SAP30BP: variants seen among roughly 807,000 people sequenced by gnomAD.
SAP30BP encodes the protein SAP30 binding protein.
In SAP30BP, 31 loss-of-function variants were observed where a neutral mutation model predicts 46.3. The observed-to-expected ratio is 0.67, with a 90% confidence interval of 0.50 to 0.90. The LOEUF (loss-of-function observed/expected upper bound fraction) is 0.90. Ranked by LOEUF, SAP30BP falls within the 40% of genes least tolerant of loss-of-function variation. The pLI is 0.00. For missense variants in SAP30BP, 312 were observed against 391.0 expected (o/e 0.80, Z 1.70); for synonymous variants, 169 against 144.2 (o/e 1.17, Z -1.23).
intron 6 of SAP30BP, 58 bp from the exon 7 acceptor site, chr17:75,703,253 C>A: frequency 6.5e-7 from 1 of 1,535,816 alleles, no homozygotes; most frequent in Non-Finnish European, 9.0e-7. Context: ...CTGGATGGTT[C>A]AGGTCCCATG....
chr17:75,692,173 C>G (rs2060251355), intron 3 of SAP30BP: 1 of 961,890 alleles, frequency 1.0e-6, no homozygotes, highest in African/African-American at 1.8e-5. Flanking sequence ...GGAATTTGGC[C>G]TGTCCCAGCA....
Position 75,693,483 on chromosome 17 carries a change from G to T in SAP30BP, c.307+1G>T. On this transcript the variant is annotated splice_donor_variant, in intron 4 of 10. Coordinates refer to ENST00000584667, the MANE Select transcript of SAP30BP (RefSeq NM_013260.8). LOFTEE classifies it high-confidence loss of function. The stretch of plus-strand genomic sequence containing the variant: ...AAGCGAGACCCCCAGGAACTCGTGG[G>T]TGAGTATTGGGGGATCCTGGGGGCA... The T allele has an allele frequency of 1.2e-6, 2 of 1,613,902 alleles. No individual in the cohort carries two copies. Among genetic ancestry groups the T allele is most frequent in the Non-Finnish European group, 1.7e-6 (2 of 1,179,820 alleles).
intron 3 of SAP30BP, among the ~76,000 whole-genome samples, chr17:75,673,774 A>G (rs2059941991): frequency 1.3e-5 from 2 of 152,254 alleles, no homozygotes; most frequent in African/African-American, 4.8e-5. Flanking sequence ...GGGACCCAAA[A>G]AAGGTGAAGC....
chr17:75,671,994 A>G (rs1028551237), intron 3 of SAP30BP, 131 bp downstream of exon 3: 8 of 787,518 alleles, frequency 1.0e-5, no homozygotes, highest in Non-Finnish European at 1.6e-5. Context: ...TTTCTGGGAT[A>G]AAATAAGCTT....
At chr17:75,685,715 A>G (rs1026202113) in intron 3 of SAP30BP, among the ~76,000 whole-genome samples, 1 of 152,014 alleles carries the variant, frequency 6.6e-6, no homozygotes, top group Admixed American at 6.6e-5. Context: ...CAACCCCCCA[A>G]ATATATCAAC....
chr17:75,684,387 G>C (rs1414376918), intron 3 of SAP30BP: 1 of 152,212 alleles, frequency 6.6e-6, no homozygotes, highest in African/African-American at 2.4e-5. Context: ...TAGTCCACCT[G>C]CCCCTGTGTT....
chr17:75,701,507 G>A (rs757880465), intron 5 of SAP30BP, among the ~76,000 whole-genome samples: 28 of 152,200 alleles, frequency 1.8e-4, no homozygotes, highest in Non-Finnish European at 3.2e-4. Context: ...CCCCGAGGTG[G>A]TTCTCCACTC....
At position 75,691,472 on chromosome 17, in the gene SAP30BP, C is replaced by T. The variant is rs868833229; in HGVS notation, c.265-1968C>T. ...CTTTCCATCTCCAGGTTCACAAAAG[C>T]CACAAGAAGCCACGGGGAGGCTCCT... is the stretch of plus-strand genomic sequence containing the variant. On this transcript the variant is annotated intron_variant, in intron 3 of 10. Coordinates refer to ENST00000584667, the MANE Select transcript of SAP30BP (RefSeq NM_013260.8). The T allele has an allele frequency of 8.8e-6, 4 of 456,708 alleles. No homozygotes were observed. In the Middle Eastern group the frequency reaches 1.3e-3, roughly 148 times the overall value. The allele number at this position is 456,708 out of a possible 1,614,324, so 28.3% of individuals were successfully genotyped here. A position where few individuals can be genotyped will look rare whatever the true frequency, so the allele number is the denominator to read the frequency against.
chr17:75,699,766 CCTT>C lies in SAP30BP; in HGVS notation c.308-11_308-9del, dbSNP rs770429694. 1.2e-5 allele frequency: 19 copies of C among 1,598,636 alleles called. No homozygotes were observed. Among genetic ancestry groups the C allele is most frequent in the East Asian group, 2.2e-5 (1 of 44,706 alleles). On this transcript the variant is annotated splice_polypyrimidine_tract_variant and intron_variant, in intron 4 of 10. Coordinates refer to ENST00000584667, the MANE Select transcript of SAP30BP (RefSeq NM_013260.8). ...TCTAATCCCCACCTACAGAATTTTT[CCTT>C]CTTCTCTCAACAGCCTCCTTTTCTG...
chr17:75,670,511 C>A (rs1047075201), intron 2 of SAP30BP, among the ~76,000 whole-genome samples: 2 of 114,300 alleles, frequency 1.7e-5, no homozygotes, highest in African/African-American at 5.0e-5. Context: ...GCTTAATATT[C>A]ATAACTCTTT....
chr17:75,688,965 G>A (rs557905116), intron 3 of SAP30BP, among the ~76,000 whole-genome samples: 7 of 152,180 alleles, frequency 4.6e-5, no homozygotes, highest in Admixed American at 2.6e-4. Flanking sequence ...TGCCGCAGCC[G>A]CCTCCTGCTC....
At chr17:75,693,566 C>A in intron 4 of SAP30BP, 84 bp downstream of exon 4, 1 of 1,290,754 alleles carries the variant, frequency 7.7e-7, no homozygotes, top group Non-Finnish European at 1.1e-6. Flanking sequence ...CCTGCCGCCC[C>A]ACAGGGCTTC....
chr17:75,671,394 A>G (rs988410255), intron 2 of SAP30BP, among the ~76,000 whole-genome samples: 2 of 152,224 alleles, frequency 1.3e-5, no homozygotes, highest in Non-Finnish European at 2.9e-5. Context: ...GTACATGTGT[A>G]TATGAAAAGG....
chr17:75,698,206 G>A (rs1428321067), intron 4 of SAP30BP, among the ~76,000 whole-genome samples: 1 of 152,270 alleles, frequency 6.6e-6, no homozygotes, highest in African/African-American at 2.4e-5. Flanking sequence ...GACAGTGGCA[G>A]ATCTCTAAGG....
intron 3 of SAP30BP, among the ~76,000 whole-genome samples, chr17:75,683,107 C>T (rs1377990340): frequency 7.0e-5 from 10 of 143,582 alleles, no homozygotes; most frequent in Admixed American, 2.1e-4. Flanking sequence ...TGCAGTGGTG[C>T]GATCTCAGCT....
At chr17:75,684,040 G>A (rs2060122898) in intron 3 of SAP30BP, 1 of 152,224 alleles carries the variant, frequency 6.6e-6, no homozygotes, top group African/African-American at 2.4e-5. Context: ...GGCTTACCCA[G>A]TGGTTGAACC....
At chr17:75,693,545 GC>G in intron 4 of SAP30BP, 63 bp downstream of exon 4, 1 of 1,479,514 alleles carries the variant, frequency 6.8e-7, no homozygotes. Context: ...CTGGCTTCCA[GC>G]CATGCCAGGC....
intron 5 of SAP30BP, among the ~76,000 whole-genome samples, chr17:75,700,490 G>A (rs185825340): frequency 1.9e-4 from 29 of 152,268 alleles, no homozygotes; most frequent in African/African-American, 6.5e-4. Flanking sequence ...GGCACCCAAG[G>A]CTGCACAATC....
chr17:75,672,112 C>G (rs2059916174), intron 3 of SAP30BP: 1 of 489,570 alleles, frequency 2.0e-6, no homozygotes, highest in Non-Finnish European at 3.8e-6. Flanking sequence ...AGGCGAGAGG[C>G]CTGGCTGAGG....
Sources: gnomAD v4.1 joint callset for allele counts (sites outside exome capture counted in the v4.1 genomes callset) on GRCh38, gnomAD v4.1.1 for gene constraint, MANE v1.5 for transcripts, NCBI Gene and HGNC (gene_info 2026-07-23, HGNC 2026-07-21) for gene names.